The following NOL4 variants were observed in gnomAD, a reference collection of about 807,000 sequenced individuals.
NOL4 encodes nucleolar protein 4.
Under a neutral mutation model 75.9 loss-of-function variants are expected in NOL4, and 17 were observed. The ratio of observed to expected loss-of-function variants is 0.22; its 90% CI spans 0.15 to 0.34. The LOEUF (loss-of-function observed/expected upper bound fraction) is 0.34, where lower values mean the gene tolerates loss of function less well. NOL4 is among the 10% of genes least tolerant of loss of function. NOL4 has a pLI of 1.00. For synonymous variants in NOL4, 292 were observed against 289.9 expected (o/e 1.01, Z -0.07); for missense variants, 614 against 793.5 (o/e 0.77, Z 2.72).
chr18:34,122,359 G>T (rs1341529992), intron 2 of NOL4, among the ~76,000 whole-genome samples: 1 of 151,920 alleles, frequency 6.6e-6, no homozygotes, highest in East Asian at 1.9e-4. Flanking sequence ...TGAAGACATG[G>T]GTGGGTGTTA....
intron 9 of NOL4, among the ~76,000 whole-genome samples, chr18:33,921,497 T>C (rs2067033084): frequency 6.6e-6 from 1 of 152,182 alleles, no homozygotes; most frequent in African/African-American, 2.4e-5. Context: ...CAAGTAAATC[T>C]AGTTAAGATG....
At chr18:33,947,370 C>T (rs2145620857) in intron 8 of NOL4, among the ~76,000 whole-genome samples, 1 of 151,682 alleles carries the variant, frequency 6.6e-6, no homozygotes, top group African/African-American at 2.4e-5. Flanking sequence ...TCATAGATTT[C>T]ACCAGGAATG....
chr18:33,967,332 T>C (rs2070687132), intron 6 of NOL4, among the ~76,000 whole-genome samples: 1 of 152,040 alleles, frequency 6.6e-6, no homozygotes. Flanking sequence ...TAACTCAAAG[T>C]GGATTAAATG....
At chr18:33,945,885 C>A (rs1434226900) in intron 8 of NOL4, among the ~76,000 whole-genome samples, 2 of 151,710 alleles carry the variant, frequency 1.3e-5, no homozygotes, top group Middle Eastern at 3.4e-3. Flanking sequence ...GAACTGAAAC[C>A]TAGGTAGATT....
chr18:34,088,568 T>C (rs1286280451), intron 5 of NOL4, among the ~76,000 whole-genome samples: 1 of 152,122 alleles, frequency 6.6e-6, no homozygotes, highest in Non-Finnish European at 1.5e-5. Flanking sequence ...CCGCAGCCAT[T>C]GCATAGCAAA....
intron 5 of NOL4, among the ~76,000 whole-genome samples, chr18:34,021,081 G>A (rs1228175675): frequency 3.9e-5 from 6 of 152,124 alleles, no homozygotes; most frequent in Admixed American, 3.9e-4. Context: ...TAACTCACAT[G>A]TTCCTTCATT....
chr18:34,049,780 C>T (rs1169478228), intron 5 of NOL4, among the ~76,000 whole-genome samples: 1 of 152,108 alleles, frequency 6.6e-6, no homozygotes, highest in East Asian at 1.9e-4. Context: ...TCATCTACAT[C>T]TATTCTTTCA....
intron 9 of NOL4, among the ~76,000 whole-genome samples, chr18:33,894,260 G>T (rs1425930235): frequency 2.0e-5 from 3 of 152,066 alleles, no homozygotes; most frequent in Admixed American, 2.0e-4. Context: ...AAAACTGTCT[G>T]CAGTTAAAGG....
intron 9 of NOL4, among the ~76,000 whole-genome samples, chr18:33,942,705 T>C (rs2068577067): frequency 6.6e-6 from 1 of 151,846 alleles, no homozygotes; most frequent in Non-Finnish European, 1.5e-5. Context: ...GTTCATTTCA[T>C]TCGAAATGAA....
At chr18:34,093,863 C>T (rs2145556749) in intron 4 of NOL4, among the ~76,000 whole-genome samples, 1 of 152,158 alleles carries the variant, frequency 6.6e-6, no homozygotes, top group South Asian at 2.1e-4. Context: ...CACGGTGAAA[C>T]CCCGTCTCTA....
At chr18:34,155,518 T>C (rs1212189868) in intron 1 of NOL4, among the ~76,000 whole-genome samples, 1 of 152,026 alleles carries the variant, frequency 6.6e-6, no homozygotes, top group Non-Finnish European at 1.5e-5. Context: ...TAGAGTGTTC[T>C]TGCACAAACA....
At chr18:34,121,891 T>A (rs144206153) in intron 2 of NOL4, among the ~76,000 whole-genome samples, 1 of 152,136 alleles carries the variant, frequency 6.6e-6, no homozygotes, top group Admixed American at 6.6e-5. Context: ...TTATGGGATA[T>A]CAAAAGGCCT....
intron 9 of NOL4, among the ~76,000 whole-genome samples, chr18:33,940,425 T>C (rs1010386301): frequency 7.2e-5 from 11 of 152,016 alleles, no homozygotes; most frequent in Non-Finnish European, 1.5e-5. Context: ...CTGGAAACCA[T>C]CATTCTCAGC....
chr18:34,188,465 A>G (rs1489565994), intron 1 of NOL4, among the ~76,000 whole-genome samples: 1 of 152,248 alleles, frequency 6.6e-6, no homozygotes, highest in Non-Finnish European at 1.5e-5. Context: ...CAGACAATAC[A>G]GTATTTAATA....
At chr18:33,928,543 G>T (rs1014251155) in intron 9 of NOL4, among the ~76,000 whole-genome samples, 1 of 151,858 alleles carries the variant, frequency 6.6e-6, no homozygotes, top group Non-Finnish European at 1.5e-5. Context: ...CATCCATGAC[G>T]AGGGAAGCCA....
chr18:34,000,461 G>A (rs2073618192), intron 6 of NOL4, among the ~76,000 whole-genome samples: 1 of 152,044 alleles, frequency 6.6e-6, no homozygotes, highest in South Asian at 2.1e-4. Flanking sequence ...CATAGAGTAA[G>A]GAAATTTAAA....
intron 9 of NOL4, among the ~76,000 whole-genome samples, chr18:33,923,297 TCATA>T (rs1210634484): frequency 6.6e-6 from 1 of 152,052 alleles, no homozygotes; most frequent in African/African-American, 2.4e-5. Flanking sequence ...TCTCTGTTGA[TCATA>T]CATATTATTA....
At chr18:33,988,173 CA>C in intron 6 of NOL4, among the ~76,000 whole-genome samples, 1 of 152,040 alleles carries the variant, frequency 6.6e-6, no homozygotes, top group East Asian at 1.9e-4. Flanking sequence ...AAAACACTGT[CA>C]TAGGGCAAGG....
In NOL4 at chr18:33,929,400, C is replaced by T. The variant is rs145344631; in HGVS notation, c.1542+13665G>A. Among the ~76,000 whole-genome samples, 5 of 152,230 alleles carry T rather than the reference C, an allele frequency of 3.3e-5. No homozygotes were observed. The East Asian group carries it at 5.8e-4, about 18-fold the overall frequency. On this transcript the variant is annotated intron_variant, in intron 9 of 10. Transcript: ENST00000261592. ...CTTAACAGTTCCTCCTCTAGGAAGC[C>T]CTCCTGGATTCCTCAGGCAGTTAGC...
Sources: allele counts gnomAD v4.1 joint callset (sites outside exome capture counted in the v4.1 genomes callset), GRCh38; gene constraint gnomAD v4.1.1; transcripts MANE v1.5; gene names NCBI Gene and HGNC (gene_info 2026-07-23, HGNC 2026-07-21).